Variants in TICRR observed in about 807,000 individuals in gnomAD.
TICRR encodes the protein treslin.
In TICRR, 132 loss-of-function variants were observed where a neutral mutation model predicts 178.1. The ratio of observed to expected loss-of-function variants is 0.74; its 90% CI spans 0.64 to 0.86. TICRR has a LOEUF of 0.86. TICRR is among the 40% of genes least tolerant of loss of function. The pLI is 0.00. For missense variants in TICRR, 2,587 were observed against 2,334.3 expected (o/e 1.11, Z -2.23); for synonymous variants, 991 against 900.7 (o/e 1.10, Z -1.79).
intron 13 of TICRR, among the ~76,000 whole-genome samples, chr15:89,604,171 A>C (rs1963139779): frequency 2.6e-5 from 4 of 152,246 alleles, no homozygotes; most frequent in Admixed American, 1.3e-4. Flanking sequence ...ATTCAATAAG[A>C]ACTATCTTTA....
Position 89,575,569 on chromosome 15 carries a change from G to C in TICRR, c.-18G>C. 1 of 1,452,932 alleles carries C rather than the reference G, an allele frequency of 6.9e-7. No individual in the cohort carries two copies. The highest frequency in any genetic ancestry group is 9.0e-7 in the Non-Finnish European group (1 of 1,110,404). The allele number at this position is 1,452,932 out of a possible 1,614,324, so 90.0% of individuals were successfully genotyped here. A position where few individuals can be genotyped will look rare whatever the true frequency, so the allele number is the denominator to read the frequency against. On this transcript the variant is annotated 5_prime_UTR_variant, in exon 1 of 22. Transcript: ENST00000268138. ...GCGCGGGCCCGGACCGGGGCCCCGGGGCGGCGGCACGGCCGATATGGCATG... is the reference window on the plus strand; with the variant it reads ...GCGCGGGCCCGGACCGGGGCCCCGGCGCGGCGGCACGGCCGATATGGCATG...
At chr15:89,599,876 G>C (rs192746248) in intron 8 of TICRR, among the ~76,000 whole-genome samples, 1 of 152,284 alleles carries the variant, frequency 6.6e-6, no homozygotes, top group African/African-American at 2.4e-5. Context: ...GGGAGGCCAG[G>C]GTGGGTGGAT....
intron 8 of TICRR, among the ~76,000 whole-genome samples, chr15:89,599,845 C>T (rs145332731): frequency 2.6e-5 from 4 of 152,306 alleles, no homozygotes; most frequent in South Asian, 2.1e-4. Flanking sequence ...TGGTGGCTCA[C>T]GCCTGTAATA....
chr15:89,584,081 A>G (rs752497593), intron 2 of TICRR, among the ~76,000 whole-genome samples: 3 of 152,210 alleles, frequency 2.0e-5, no homozygotes, highest in Non-Finnish European at 2.9e-5. Context: ...AGCTTTTTCT[A>G]TAGAGCTAAA....
intron 7 of TICRR, 118 bp from the exon 8 acceptor site, chr15:89,599,206 G>C: frequency 5.9e-6 from 3 of 511,926 alleles, no homozygotes; most frequent in Non-Finnish European, 6.2e-6. Context: ...TGACAATCCA[G>C]ACAAGGCCAA....
intron 16 of TICRR, 55 bp from the exon 17 acceptor site, chr15:89,618,097 A>G (rs770565834): frequency 3.2e-6 from 5 of 1,555,292 alleles, no homozygotes; most frequent in East Asian, 4.5e-5. Flanking sequence ...TGTCTCCTTA[A>G]TAAGTGTTAA....
intron 4 of TICRR, chr15:89,591,419 C>G (rs900435604): frequency 1.3e-5 from 2 of 152,034 alleles, no homozygotes; most frequent in Non-Finnish European, 2.9e-5. Flanking sequence ...CCACCGTACC[C>G]AACCATACAA....
In TICRR at chr15:89,627,461, C is replaced by T. The variant is rs976521454; in HGVS notation, c.*375C>T. The T allele has an allele frequency of 1.8e-5, 4 of 228,310 alleles. No homozygotes were observed. The highest frequency in any genetic ancestry group is 5.2e-5 in the Admixed American group (1 of 19,296). The allele number at this position is 228,310 out of a possible 1,614,324, so 14.1% of individuals were successfully genotyped here. ...GCCCTCCCTGGGGTCCCTTGAGCTG[C>T]TGTAAGGCTGGGCTGCTGCGACACA... On this transcript the variant is annotated 3_prime_UTR_variant, in exon 22 of 22. Coordinates refer to ENST00000268138, the MANE Select transcript of TICRR (RefSeq NM_152259.4).
At position 89,625,020 on chromosome 15, in the gene TICRR, T is replaced by C. The variant is rs1366279478; in HGVS notation, c.4710T>C (p.Leu1570=). The change falls in exon 20 of 22, where the codon CTT becomes CTC. Residue 1570 remains leucine, a synonymous_variant. Transcript: ENST00000268138. ...EVELEMQASG[L]PKLRIKKIDP... The stretch of plus-strand genomic sequence containing the variant: ...AGCTGGAGATGCAAGCTTCTGGCCT[T>C]CCCAAACTTCGAATTAAGAAGATAG... The C allele has an allele frequency of 6.2e-7, 1 of 1,614,014 alleles. No homozygotes were observed. The highest frequency in any genetic ancestry group is 8.5e-7 in the Non-Finnish European group (1 of 1,180,008).
At chr15:89,584,265 C>A in intron 2 of TICRR, 21 bp from the exon 3 acceptor site, 1 of 1,566,574 alleles carries the variant, frequency 6.4e-7, no homozygotes, top group Non-Finnish European at 8.6e-7. Flanking sequence ...GCATCCTGGT[C>A]TAATTAATCT....
chr15:89,602,940 A>G, intron 13 of TICRR, 48 bp downstream of exon 13: 1 of 1,042,826 alleles, frequency 9.6e-7, no homozygotes, highest in Non-Finnish European at 1.3e-6. Context: ...AAGAACAAAA[A>G]GGCAGTGTCC....
chr15:89,626,601 G>T lies in TICRR; in HGVS notation c.5603-355G>T, dbSNP rs368869127. ...TAGAATCAAAGGGGGAGTGCAGGAG[G>T]AGGGGGCCTTTGGTGGTTCAGTTCC... On this transcript the variant is annotated intron_variant, in intron 21 of 21. Transcript: ENST00000268138. 4.8e-4 allele frequency among the ~76,000 whole-genome samples: 73 copies of T among 152,260 alleles called. 1 individual carries two copies. In the South Asian group the frequency reaches 0.014, roughly 29 times the overall value.
chr15:89,609,069 G>C, intron 15 of TICRR, 120 bp downstream of exon 15: 1 of 435,498 alleles, frequency 2.3e-6, no homozygotes, highest in Non-Finnish European at 3.6e-6. Context: ...TTTTCCTTCA[G>C]TCTAGCTAAA....
chr15:89,625,837 T>G (rs1963513093), intron 20 of TICRR, 51 bp downstream of exon 20: 1 of 1,556,482 alleles, frequency 6.4e-7, no homozygotes, highest in Non-Finnish European at 8.7e-7. Flanking sequence ...TTGGTCAGAG[T>G]GCTTGACAAG....
intron 3 of TICRR, among the ~76,000 whole-genome samples, chr15:89,585,456 T>G (rs1962804302): frequency 6.6e-6 from 1 of 152,206 alleles, no homozygotes; most frequent in Non-Finnish European, 1.5e-5. Context: ...TTGTGAGGAT[T>G]CAGTAAGCAC....
intron 15 of TICRR, among the ~76,000 whole-genome samples, chr15:89,613,847 A>T (rs1298744304): frequency 2.0e-5 from 3 of 151,480 alleles, no homozygotes; most frequent in East Asian, 3.9e-4. Context: ...AACATATTTA[A>T]AACAGCTGAT....
Position 89,625,495 on chromosome 15 carries a change from A to G in TICRR, c.5185A>G (p.Ile1729Val), listed in dbSNP as rs1370186071. 1.2e-6 allele frequency: 2 copies of G among 1,613,938 alleles called. No individual in the cohort carries two copies. Among genetic ancestry groups the G allele is most frequent in the African/African-American group, 1.3e-5 (1 of 75,012 alleles). ...CAAGGACCACGGCCTTGAACTCAGC[A>G]TCCACAGGACGCCCATCTTGGAGGA... Reference protein sequence around the residue: ...EGKDHGLELSIHRTPILEDFE... With the variant: ...EGKDHGLELSVHRTPILEDFE... Residue 1729 changes from isoleucine to valine, a missense_variant, in exon 20 of 22, where the codon ATC (isoleucine) becomes GTC (valine). Physicochemically the swap from Ile to Val is conservative, Grantham distance 29. Transcript: ENST00000268138.
In TICRR at chr15:89,601,838, G is replaced by T; in HGVS notation, c.2429G>T (p.Ser810Ile). 2.5e-6 allele frequency: 4 copies of T among 1,614,102 alleles called. No homozygotes were observed. Among genetic ancestry groups the T allele is most frequent in the Non-Finnish European group, 3.4e-6 (4 of 1,180,016 alleles). ...GGTGTCCTTCCTACAGATTTTTTCAGTGATGACTCCATGACACAAGAGAAC... is the reference window on the plus strand; with the variant it reads ...GGTGTCCTTCCTACAGATTTTTTCATTGATGACTCCATGACACAAGAGAAC... ...LAGVLPTDFF[S>I]DDSMTQENKS... Residue 810 changes from serine to isoleucine, a missense_variant, in exon 12 of 22, where the codon AGT becomes ATT. Ser to Ile is a moderately radical substitution (Grantham distance 142). Coordinates refer to ENST00000268138, the MANE Select transcript of TICRR (RefSeq NM_152259.4).
At chr15:89,619,097 C>T (rs1169231455) in intron 17 of TICRR, among the ~76,000 whole-genome samples, 2 of 152,142 alleles carry the variant, frequency 1.3e-5, no homozygotes, top group Admixed American at 6.5e-5. Context: ...TTGGTAATTC[C>T]ACAACTCAGA....
Sources: allele counts gnomAD v4.1 joint callset (sites outside exome capture counted in the v4.1 genomes callset), GRCh38; gene constraint gnomAD v4.1.1; transcripts MANE v1.5; gene names NCBI Gene and HGNC (gene_info 2026-07-23, HGNC 2026-07-21).